Variants in SULT2B1 observed in about 807,000 individuals in gnomAD.
SULT2B1 encodes the protein sulfotransferase 2B1.
A neutral mutation model predicts 33.2 loss-of-function variants in SULT2B1; 16 were observed. The ratio of observed to expected loss-of-function variants is 0.48; its 90% CI spans 0.33 to 0.73. The LOEUF (loss-of-function observed/expected upper bound fraction) is 0.73. Ranked by LOEUF, SULT2B1 falls within the 30% of genes least tolerant of loss-of-function variation. The pLI is 0.02. For missense variants in SULT2B1, 500 were observed against 506.0 expected (o/e 0.99, Z 0.11); for synonymous variants, 186 against 200.5 (o/e 0.93, Z 0.61).
At chr19:48,582,622 C>T (rs190081919) in intron 2 of SULT2B1, among the ~76,000 whole-genome samples, 7 of 151,374 alleles carry the variant, frequency 4.6e-5, no homozygotes, top group Admixed American at 1.3e-4. Flanking sequence ...TCGAGGCAGG[C>T]GGATCACTTG....
At chr19:48,584,152 G>T (rs1245449307) in intron 2 of SULT2B1, among the ~76,000 whole-genome samples, 1 of 152,104 alleles carries the variant, frequency 6.6e-6, no homozygotes, top group Non-Finnish European at 1.5e-5. Context: ...GCTAAAATAG[G>T]GTGCAGCCAC....
chr19:48,577,793 G>A (rs1973434298), intron 2 of SULT2B1, among the ~76,000 whole-genome samples: 1 of 152,194 alleles, frequency 6.6e-6, no homozygotes, highest in Non-Finnish European at 1.5e-5. Context: ...GTACAAAGAA[G>A]GCTGCAACTC....
chr19:48,555,161 G>C (rs534260763), intron 1 of SULT2B1, among the ~76,000 whole-genome samples: 1 of 152,084 alleles, frequency 6.6e-6, no homozygotes, highest in African/African-American at 2.4e-5. Context: ...GCACGATCTC[G>C]GCTCACTACA....
chr19:48,566,058 G>A (rs566671203), intron 1 of SULT2B1, among the ~76,000 whole-genome samples: 4 of 151,848 alleles, frequency 2.6e-5, no homozygotes, highest in South Asian at 2.1e-4. Flanking sequence ...GACTACAGGC[G>A]CACACCACCA....
At chr19:48,566,551 C>T (rs568231673) in intron 1 of SULT2B1, among the ~76,000 whole-genome samples, 1 of 152,116 alleles carries the variant, frequency 6.6e-6, no homozygotes, top group Admixed American at 6.6e-5. Context: ...TACAAAAATT[C>T]GAGGGATGTG....
At chr19:48,563,780 C>T (rs549533661) in intron 1 of SULT2B1, among the ~76,000 whole-genome samples, 1 of 152,186 alleles carries the variant, frequency 6.6e-6, no homozygotes, top group South Asian at 2.1e-4. Flanking sequence ...GCCTGACCAA[C>T]ATGGCGAAAC....
chr19:48,555,826 G>A (rs372761105), intron 1 of SULT2B1, among the ~76,000 whole-genome samples: 4 of 151,798 alleles, frequency 2.6e-5, no homozygotes, highest in African/African-American at 7.3e-5. Context: ...TGCAACCTCC[G>A]CCTCCCAGGT....
At position 48,576,124 on chromosome 19, in the gene SULT2B1, G is replaced by T. The variant is rs765112429; in HGVS notation, c.214+41G>T. On this transcript the variant is annotated intron_variant, in intron 2 of 6. Transcript: ENST00000201586. ...CGGGCGTCGGGGGCTGGGGAGAGTG[G>T]GGAGGGGGTGCGGCAGAGGACAGGA... The T allele has an allele frequency of 5.9e-6, 9 of 1,528,988 alleles. 1 individual carries two copies. The Admixed American group carries it at 1.5e-4, about 26-fold the overall frequency. The allele number at this position is 1,528,988 out of a possible 1,614,324, so 94.7% of individuals were successfully genotyped here.
intron 1 of SULT2B1, among the ~76,000 whole-genome samples, chr19:48,573,294 T>G (rs1001375090): frequency 8.5e-5 from 13 of 152,074 alleles, no homozygotes; most frequent in African/African-American, 3.1e-4. Flanking sequence ...GCTGTCCCTG[T>G]CCCTGGCCTC....
rs1263220886 is a variant in SULT2B1, at chr19:48,592,802, G to A, written c.631G>A (p.Glu211Lys). The A allele has an allele frequency of 6.4e-6, 10 of 1,573,770 alleles. No individual in the cohort carries two copies. The highest frequency in any genetic ancestry group is 1.3e-5 in the African/African-American group (1 of 74,342). Residue 211 changes from glutamate (E) to lysine (K), a missense_variant, in exon 5 of 7, where the codon GAG becomes AAG. By Grantham distance (56) the Glu-to-Lys change is moderately conservative. Transcript: ENST00000201586. ...AGACAACTTCCTATTTATCACCTAC[G>A]AGGAGCTGCAGCAGGTGAGTCCCCA... ...GKDNFLFITYEELQQDLQGSV... is the reference protein window; with the variant it reads ...GKDNFLFITYKELQQDLQGSV...
intron 3 of SULT2B1, among the ~76,000 whole-genome samples, chr19:48,588,262 C>T (rs546397088): frequency 5.0e-4 from 75 of 151,222 alleles, no homozygotes; most frequent in Admixed American, 1.8e-3. Flanking sequence ...TTTGTACTCC[C>T]AGCACTTTGG....
chr19:48,573,066 A>G (rs537208346), intron 1 of SULT2B1, among the ~76,000 whole-genome samples: 23 of 151,400 alleles, frequency 1.5e-4, no homozygotes, highest in African/African-American at 5.1e-4. Flanking sequence ...CTGAGGCAGG[A>G]GAATCGCTTG....
intron 1 of SULT2B1, among the ~76,000 whole-genome samples, chr19:48,564,161 G>A (rs1206806978): frequency 1.3e-5 from 2 of 151,436 alleles, no homozygotes; most frequent in African/African-American, 2.4e-5. Context: ...CAGGGGAATC[G>A]CTTGAACCCA....
chr19:48,562,482 G>A (rs1375043637), intron 1 of SULT2B1, among the ~76,000 whole-genome samples: 1 of 150,690 alleles, frequency 6.6e-6, no homozygotes, highest in African/African-American at 2.4e-5. Flanking sequence ...ACCCCGGGAG[G>A]TAGGGGTTGC....
chr19:48,591,865 G>A, intron 4 of SULT2B1, 130 bp downstream of exon 4: 1 of 1,132,438 alleles, frequency 8.8e-7, no homozygotes, highest in Non-Finnish European at 1.2e-6. Context: ...GGGCAATAGA[G>A]ACAGAGAGCA....
rs193157309 is a variant in SULT2B1 at position 48,561,296 on chromosome 19, C to T, written c.71+8973C>T. On this transcript the variant is annotated intron_variant, in intron 1 of 6. Coordinates refer to ENST00000201586, the MANE Select transcript of SULT2B1 (RefSeq NM_177973.2). ...ATAGAAGAGTAGCTGGTCGTGGTGG[C>T]ACATGCCTGTAATCCCAGCTACTCT... 8.2e-3 allele frequency among the ~76,000 whole-genome samples: 1,243 copies of T among 151,174 alleles called. 52 individuals are homozygous for T. The highest frequency in any genetic ancestry group is 0.067 in the Admixed American group (1,009 of 15,108).
intron 5 of SULT2B1, among the ~76,000 whole-genome samples, chr19:48,593,510 C>G (rs1973670648): frequency 6.6e-6 from 1 of 151,868 alleles, no homozygotes; most frequent in Admixed American, 6.6e-5. Flanking sequence ...TGAGATCACA[C>G]CACTGCACTC....
chr19:48,561,913 A>T (rs553875929), intron 1 of SULT2B1, among the ~76,000 whole-genome samples: 2 of 151,876 alleles, frequency 1.3e-5, no homozygotes, highest in Non-Finnish European at 2.9e-5. Flanking sequence ...TCGGGAGTTC[A>T]AGACCAGCCT....
intron 1 of SULT2B1, among the ~76,000 whole-genome samples, chr19:48,559,766 T>C (rs1326932255): frequency 6.6e-6 from 1 of 151,984 alleles, no homozygotes; most frequent in Middle Eastern, 3.2e-3. Context: ...GGCCAGTTAC[T>C]TACGTGGGGA....
Sources: gnomAD v4.1 joint callset for allele counts (sites outside exome capture counted in the v4.1 genomes callset) on GRCh38, gnomAD v4.1.1 for gene constraint, MANE v1.5 for transcripts, NCBI Gene and HGNC (gene_info 2026-07-23, HGNC 2026-07-21) for gene names.